SLC38A1: variants seen among roughly 807,000 people sequenced by gnomAD.
SLC38A1 encodes the protein solute carrier family 38 member 1, also known as sodium-coupled neutral amino acid symporter 1.
SLC38A1 carries 18 observed loss-of-function variants against 60.3 expected under a neutral mutation model. The observed-to-expected ratio is 0.30, with a 90% CI of 0.21 to 0.44. SLC38A1 has a LOEUF of 0.44. SLC38A1 is among the 20% of genes least tolerant of loss of function. The pLI, the probability that SLC38A1 is intolerant of heterozygous loss-of-function variation, is 1.00. For synonymous variants in SLC38A1, 196 were observed against 212.1 expected, an observed-to-expected ratio of 0.92 and a Z score of 0.66; for missense variants, 448 against 587.2, an observed-to-expected ratio of 0.76 and a Z score of 2.45.
At chr12:46,233,353 A>G (rs1285780705) in intron 3 of SLC38A1, among the ~76,000 whole-genome samples, 1 of 152,170 alleles carries the variant, frequency 6.6e-6, no homozygotes, top group African/African-American at 2.4e-5. Flanking sequence ...AACCAACTCA[A>G]GTCTACTAAG....
intron 1 of SLC38A1, among the ~76,000 whole-genome samples, chr12:46,251,989 T>C (rs988500310): frequency 6.6e-6 from 1 of 152,240 alleles, no homozygotes; most frequent in Non-Finnish European, 1.5e-5. Context: ...CATTACTGGG[T>C]ATATACCCAA....
intron 1 of SLC38A1, among the ~76,000 whole-genome samples, chr12:46,261,661 TGGGCGTG>T (rs1213672223): frequency 1.3e-5 from 2 of 152,230 alleles, no homozygotes; most frequent in Non-Finnish European, 2.9e-5. Flanking sequence ...ACATTTGATC[TGGGCGTG>T]TGGGATTTAT....
intron 1 of SLC38A1, among the ~76,000 whole-genome samples, chr12:46,264,843 C>T (rs1424525012): frequency 6.6e-6 from 1 of 152,154 alleles, no homozygotes; most frequent in South Asian, 2.1e-4. Flanking sequence ...ATGTCTTTTT[C>T]GAAGTCTGTC....
intron 5 of SLC38A1, among the ~76,000 whole-genome samples, chr12:46,222,095 T>A (rs547507930): frequency 6.6e-6 from 1 of 152,210 alleles, no homozygotes; most frequent in Non-Finnish European, 1.5e-5. Context: ...TGGCACAGCA[T>A]TGACAGAGTC....
intron 13 of SLC38A1, among the ~76,000 whole-genome samples, chr12:46,200,178 A>G (rs557054477): frequency 6.6e-6 from 1 of 152,334 alleles, no homozygotes; most frequent in South Asian, 2.1e-4. Flanking sequence ...TAAATGTGGT[A>G]TTTATGAATT....
intron 13 of SLC38A1, among the ~76,000 whole-genome samples, chr12:46,200,833 A>C (rs1295058315): frequency 1.3e-5 from 2 of 152,174 alleles, no homozygotes; most frequent in Non-Finnish European, 2.9e-5. Flanking sequence ...TCCTCAGTAA[A>C]GGTAGCATGC....
chr12:46,259,082 A>G (rs60782287), intron 1 of SLC38A1, among the ~76,000 whole-genome samples: 1 of 152,204 alleles, frequency 6.6e-6, no homozygotes, highest in African/African-American at 2.4e-5. Flanking sequence ...GAGATGATGG[A>G]TATATTAATT....
chr12:46,242,895 A>G (rs541374795), intron 2 of SLC38A1, among the ~76,000 whole-genome samples: 1 of 152,260 alleles, frequency 6.6e-6, no homozygotes, highest in South Asian at 2.1e-4. Flanking sequence ...GGCCACTGTT[A>G]AGATTTTTCT....
chr12:46,244,137 T>C (rs1333653492), intron 1 of SLC38A1, among the ~76,000 whole-genome samples: 1 of 151,934 alleles, frequency 6.6e-6, no homozygotes, highest in Non-Finnish European at 1.5e-5. Context: ...ACACAGTGCA[T>C]ACATGCATGA....
At chr12:46,196,512 G>A (rs148400682) in intron 16 of SLC38A1, among the ~76,000 whole-genome samples, 2 of 152,310 alleles carry the variant, frequency 1.3e-5, no homozygotes, top group African/African-American at 2.4e-5. Flanking sequence ...TTGTGCCAGA[G>A]TGACTGTTTC....
At chr12:46,204,622 AT>A in intron 9 of SLC38A1, 32 bp from the exon 10 acceptor site, 2 of 1,534,966 alleles carry the variant, frequency 1.3e-6, no homozygotes, top group Non-Finnish European at 1.8e-6. Flanking sequence ...AAATTATTTC[AT>A]TTTTTTCCAT....
At chr12:46,210,218 A>G (rs749751595) in intron 5 of SLC38A1, among the ~76,000 whole-genome samples, 7 of 152,168 alleles carry the variant, frequency 4.6e-5, no homozygotes, top group Admixed American at 1.3e-4. Flanking sequence ...CCCCAGGCAG[A>G]ATGACTGCTC....
intron 6 of SLC38A1, among the ~76,000 whole-genome samples, chr12:46,208,838 A>G (rs957942829): frequency 8.5e-5 from 13 of 152,228 alleles, no homozygotes; most frequent in Non-Finnish European, 1.8e-4. Context: ...AAGTGACAAC[A>G]TTATTTTCTC....
intron 5 of SLC38A1, among the ~76,000 whole-genome samples, 177 bp from the exon 6 acceptor site, chr12:46,209,304 A>G (rs1424100766): frequency 6.6e-6 from 1 of 152,226 alleles, no homozygotes; most frequent in Non-Finnish European, 1.5e-5. Flanking sequence ...GTCCTACCAA[A>G]TAAAGAAGTG....
intron 3 of SLC38A1, among the ~76,000 whole-genome samples, chr12:46,230,289 G>A (rs1351292044): frequency 6.6e-6 from 1 of 152,208 alleles, no homozygotes; most frequent in Non-Finnish European, 1.5e-5. Flanking sequence ...GGTAATAAGT[G>A]ATGCAAACAG....
chr12:46,230,487 C>T (rs534701339), intron 3 of SLC38A1, among the ~76,000 whole-genome samples: 2 of 152,326 alleles, frequency 1.3e-5, no homozygotes, highest in South Asian at 2.1e-4. Flanking sequence ...AACACTATTA[C>T]ATCATCTTAT....
intron 3 of SLC38A1, among the ~76,000 whole-genome samples, chr12:46,231,862 A>C (rs1941089098): frequency 6.6e-6 from 1 of 151,756 alleles, no homozygotes; most frequent in African/African-American, 2.4e-5. Flanking sequence ...CTGGTCTTGA[A>C]CTCCTGGCCT....
intron 3 of SLC38A1, among the ~76,000 whole-genome samples, chr12:46,238,915 T>G (rs1941348633): frequency 6.6e-6 from 1 of 152,212 alleles, no homozygotes; most frequent in Non-Finnish European, 1.5e-5. Flanking sequence ...TATTATTATT[T>G]AAAATCCATA....
In SLC38A1 at chr12:46,204,351, A is replaced by C. The variant is rs199515149; in HGVS notation, c.772T>G (p.Ser258Ala). The part of the protein sequence containing the change: ...PELNSTISAN[S>A]TNADTCTPKY... The stretch of plus-strand genomic sequence containing the variant: ...GGCGTACACGTGTCAGCATTTGTTG[A>C]ATTAGCACTTATTGTTGAATTTAGC... The change falls in exon 11 of 17, where the codon TCA becomes GCA. Residue 258 changes from serine to alanine, a missense_variant. Coordinates refer to ENST00000398637, the MANE Select transcript of SLC38A1 (RefSeq NM_030674.4). 134 of 1,613,694 alleles carry C rather than the reference A, an allele frequency of 8.3e-5. No individual in the cohort carries two copies. The highest frequency in any genetic ancestry group is 3.3e-5 in the Admixed American group (2 of 60,000).
Sources: gnomAD v4.1 joint callset for allele counts (sites outside exome capture counted in the v4.1 genomes callset) on GRCh38, gnomAD v4.1.1 for gene constraint, MANE v1.5 for transcripts, NCBI Gene and HGNC (gene_info 2026-07-23, HGNC 2026-07-21) for gene names.